The following USPL1 variants were observed in gnomAD, a reference collection of about 807,000 sequenced individuals.
The protein encoded by USPL1 is SUMO-specific isopeptidase USPL1.
In USPL1, 27 loss-of-function variants were observed where a neutral mutation model predicts 51.5. That is an observed-to-expected ratio of 0.52 (90% CI 0.39 to 0.72). USPL1 has a LOEUF of 0.72. Ranked by LOEUF, USPL1 falls within the 30% of genes least tolerant of loss-of-function variation. The probability of loss-of-function intolerance (pLI) is 0.00; values close to 1 mark genes in which losing one functional copy is unlikely to be tolerated. For missense variants in USPL1, 1,226 were observed against 1,268.0 expected (o/e 0.97, Z 0.50); for synonymous variants, 451 against 459.6 (o/e 0.98, Z 0.24).
rs777268650 is a variant in USPL1 at position 30,653,160 on chromosome 13, A to G, written c.1251A>G (p.Ile417Met). 6 of 1,596,474 alleles carry G rather than the reference A, an allele frequency of 3.8e-6. No individual in the cohort carries two copies. In the South Asian group the frequency reaches 6.8e-5, roughly 18 times the overall value. ...TTCTCTCCCACAGAGTATCTCCCAT[A>G]TTCATGTTGCACTTTGTAGAAGGCT... Reference protein sequence around the residue: ...RKMVLEKVSPIFMLHFVEGLP... With the variant: ...RKMVLEKVSPMFMLHFVEGLP... Residue 417 changes from isoleucine to methionine, a missense_variant, in exon 8 of 9, where the codon ATA becomes ATG. Ile to Met is a conservative substitution (Grantham distance 10). Coordinates refer to ENST00000255304, the MANE Select transcript of USPL1 (RefSeq NM_005800.5).
intron 7 of USPL1, among the ~76,000 whole-genome samples, chr13:30,652,506 G>T (rs1016900471): frequency 6.6e-6 from 1 of 152,140 alleles, no homozygotes; most frequent in South Asian, 2.1e-4. Context: ...TCTATTTTCT[G>T]GTTCAGCATG....
At chr13:30,651,051 A>G (rs1488233272) in intron 7 of USPL1, among the ~76,000 whole-genome samples, 1 of 152,024 alleles carries the variant, frequency 6.6e-6, no homozygotes, top group Non-Finnish European at 1.5e-5. Flanking sequence ...TATGGAGGCC[A>G]TACCGAGATT....
Position 30,653,252 on chromosome 13 carries a change from T to C in USPL1, c.1343T>C (p.Val448Ala). Residue 448 changes from valine (V) to alanine (A), a missense_variant, in exon 8 of 9, where the codon GTA (valine) becomes GCA (alanine). By Grantham distance (64) the Val-to-Ala change is moderately conservative. Transcript: ENST00000255304. ...GGCTGTCTTTATCAGATAACTTCTG[T>C]AATTCAGTATCGAGCAAATAATCAT... ...FEGCLYQITS[V>A]IQYRANNHFI... The C allele has an allele frequency of 6.2e-7, 1 of 1,611,496 alleles. No homozygotes were observed. The highest frequency in any genetic ancestry group is 8.5e-7 in the Non-Finnish European group (1 of 1,178,226).
chr13:30,642,263 A>G (rs1950957884), intron 5 of USPL1, among the ~76,000 whole-genome samples: 1 of 143,370 alleles, frequency 7.0e-6, no homozygotes, highest in South Asian at 2.2e-4. Flanking sequence ...CACCTCATCA[A>G]TTTTTGTTTT....
chr13:30,623,813 T>A (rs1293898241), intron 3 of USPL1, among the ~76,000 whole-genome samples: 1 of 152,132 alleles, frequency 6.6e-6, no homozygotes, highest in Non-Finnish European at 1.5e-5. Flanking sequence ...TTGGATTTAA[T>A]GAGTGGGTTG....
chr13:30,659,720 C>T lies in USPL1; in HGVS notation c.*364C>T, dbSNP rs1274561233. 5.9e-6 allele frequency: 1 copy of T among 170,328 alleles called. No individual in the cohort carries two copies. The highest frequency in any genetic ancestry group is 1.2e-5 in the Non-Finnish European group (1 of 80,464). The allele number at this position is 170,328 out of a possible 1,614,324, so 10.6% of individuals were successfully genotyped here. A position where few individuals can be genotyped will look rare whatever the true frequency, so the allele number is the denominator to read the frequency against. On this transcript the variant is annotated 3_prime_UTR_variant, in exon 9 of 9. Transcript: ENST00000255304. The stretch of plus-strand genomic sequence containing the variant: ...GAGTGATCTTTGTGGTGGTTTTCTT[C>T]CCCTGGAAACCTGTTGCTCGTGGCG...
chr13:30,621,792 A>G lies in USPL1; in HGVS notation c.128A>G (p.Asp43Gly). 6.4e-7 allele frequency: 1 copy of G among 1,557,750 alleles called. No homozygotes were observed. The highest frequency in any genetic ancestry group is 2.4e-5 in the East Asian group (1 of 42,084). The change falls in exon 3 of 9, where the codon GAT becomes GGT. Residue 43 changes from aspartate to glycine, a missense_variant. Asp to Gly is a moderately conservative substitution (Grantham distance 94, BLOSUM62 -1). Coordinates refer to ENST00000255304, the MANE Select transcript of USPL1 (RefSeq NM_005800.5). Reference protein sequence around the residue: ...KNFDSAKVPSDEYCPACREKG... With the variant: ...KNFDSAKVPSGEYCPACREKG... Reference sequence around the variant, plus strand: ...TTTGATTCAGCTAAAGTTCCATCAGATGAGTATTGCCCTGCTTGTAGAGAG... The same window carrying G: ...TTTGATTCAGCTAAAGTTCCATCAGGTGAGTATTGCCCTGCTTGTAGAGAG...
intron 6 of USPL1, among the ~76,000 whole-genome samples, chr13:30,644,242 C>T (rs560835546): frequency 2.0e-4 from 30 of 151,928 alleles, no homozygotes; most frequent in African/African-American, 6.5e-4. Context: ...GAGATTGCAC[C>T]ACTGCACTCC....
chr13:30,647,977 T>C (rs1474301582), intron 7 of USPL1, among the ~76,000 whole-genome samples: 1 of 152,210 alleles, frequency 6.6e-6, no homozygotes, highest in Non-Finnish European at 1.5e-5. Context: ...CAAATTGATG[T>C]GCCTATTCTA....
intron 1 of USPL1, among the ~76,000 whole-genome samples, chr13:30,620,123 T>C (rs1429544762): frequency 6.6e-6 from 1 of 152,242 alleles, no homozygotes; most frequent in Non-Finnish European, 1.5e-5. Flanking sequence ...ATTCCTTGGC[T>C]TGAAAGGTTT....
intron 1 of USPL1, among the ~76,000 whole-genome samples, chr13:30,619,292 C>G (rs117661697): frequency 1.5e-3 from 235 of 152,254 alleles, no homozygotes; most frequent in Non-Finnish European, 2.9e-3. Context: ...AAATAAACCT[C>G]TGGTATTAAA....
chr13:30,648,118 G>A (rs186224943), intron 7 of USPL1, among the ~76,000 whole-genome samples: 9 of 152,142 alleles, frequency 5.9e-5, no homozygotes, highest in Non-Finnish European at 2.9e-5. Flanking sequence ...CTCAGTACTC[G>A]GTGTTTGCAT....
At chr13:30,628,733 AG>A (rs904041509) in intron 3 of USPL1, among the ~76,000 whole-genome samples, 1 of 152,152 alleles carries the variant, frequency 6.6e-6, no homozygotes, top group African/African-American at 2.4e-5. Flanking sequence ...CTTACTTTTA[AG>A]GTTGAGTAAT....
At chr13:30,652,145 C>A (rs1327576925) in intron 7 of USPL1, among the ~76,000 whole-genome samples, 1 of 152,100 alleles carries the variant, frequency 6.6e-6, no homozygotes, top group Non-Finnish European at 1.5e-5. Flanking sequence ...CATAGTGGTA[C>A]ATTTTATAAT....
rs1260558877 is a variant in USPL1, at chr13:30,659,073, G to A, written c.2996G>A (p.Gly999Glu). The A allele has an allele frequency of 6.2e-7, 1 of 1,614,006 alleles. No individual in the cohort carries two copies. Residue 999 changes from glycine (G) to glutamate (E), a missense_variant, in exon 9 of 9, where the codon GGA becomes GAA. Transcript: ENST00000255304. ...GEGDFRYLGM[G>E]DSHIPPPVPS... is the part of the protein sequence containing the mutation. Reference sequence around the variant, plus strand: ...GGTGACTTTAGGTATTTGGGAATGGGAGATAGTCATATCCCACCACCAGTA... The same window carrying A: ...GGTGACTTTAGGTATTTGGGAATGGAAGATAGTCATATCCCACCACCAGTA...
chr13:30,629,984 T>C (rs1377244409), intron 3 of USPL1, among the ~76,000 whole-genome samples: 1 of 151,234 alleles, frequency 6.6e-6, no homozygotes, highest in Non-Finnish European at 1.5e-5. Context: ...ATTATTATTA[T>C]TATTTTAGAG....
At chr13:30,626,256 T>C (rs1354981082) in intron 3 of USPL1, among the ~76,000 whole-genome samples, 1 of 152,020 alleles carries the variant, frequency 6.6e-6, no homozygotes, top group African/African-American at 2.4e-5. Context: ...GAAGTTGCAG[T>C]GAGCCAAGAT....
chr13:30,635,994 A>AT, intron 4 of USPL1, among the ~76,000 whole-genome samples: 1 of 152,344 alleles, frequency 6.6e-6, no homozygotes, highest in African/African-American at 2.4e-5. Flanking sequence ...TGGTTAGAAC[A>AT]TTCAAGACGT....
chr13:30,639,242 A>ATGTGTG (rs1491413636), intron 5 of USPL1, among the ~76,000 whole-genome samples: 2 of 131,654 alleles, frequency 1.5e-5, no homozygotes, highest in African/African-American at 3.0e-5. Flanking sequence ...ATATATATAT[A>ATGTGTG]TATGTGTGTA....
Sources: allele counts gnomAD v4.1 joint callset (sites outside exome capture counted in the v4.1 genomes callset), GRCh38; gene constraint gnomAD v4.1.1; transcripts MANE v1.5; gene names NCBI Gene and HGNC (gene_info 2026-07-23, HGNC 2026-07-21).